Variants in DDX10 observed in about 807,000 individuals in gnomAD.
DDX10 encodes probable ATP-dependent RNA helicase DDX10.
In DDX10, 74 loss-of-function variants were observed where a neutral mutation model predicts 104.3. The observed-to-expected ratio is 0.71, with a 90% CI of 0.59 to 0.86. DDX10 has a LOEUF of 0.86. Ranked by LOEUF, DDX10 falls within the 40% of genes least tolerant of loss-of-function variation. The pLI, the probability that DDX10 is intolerant of heterozygous loss-of-function variation, is 0.00. For missense variants in DDX10, 952 were observed against 1,040.0 expected (o/e 0.92, Z 1.16); for synonymous variants, 351 against 353.4 (o/e 0.99, Z 0.08).
chr11:108,811,786 C>G (rs1237090738), intron 13 of DDX10, among the ~76,000 whole-genome samples: 1 of 149,506 alleles, frequency 6.7e-6, no homozygotes, highest in African/African-American at 2.5e-5. Context: ...TTGCTTAATA[C>G]TCTAGAAATG....
At chr11:108,684,470 GAT>G (rs1478550122) in intron 6 of DDX10, among the ~76,000 whole-genome samples, 16 of 146,758 alleles carry the variant, frequency 1.1e-4, no homozygotes, top group African/African-American at 4.0e-4. Context: ...TTGTTCTTGC[GAT>G]AGTTTACTGA....
intron 16 of DDX10, among the ~76,000 whole-genome samples, chr11:108,869,288 G>C (rs1863050384): frequency 6.6e-6 from 1 of 151,176 alleles, no homozygotes; most frequent in African/African-American, 2.4e-5. Flanking sequence ...TTGCCATTAT[G>C]CTCTGTCATG....
intron 15 of DDX10, among the ~76,000 whole-genome samples, chr11:108,846,819 A>AG: frequency 8.9e-6 from 1 of 112,652 alleles, no homozygotes; most frequent in South Asian, 3.5e-4. Flanking sequence ...TTTAGAGTAC[A>AG]AACCAGACCA....
intron 15 of DDX10, among the ~76,000 whole-genome samples, chr11:108,847,832 A>G (rs1407814530): frequency 6.6e-6 from 1 of 152,240 alleles, no homozygotes; most frequent in Non-Finnish European, 1.5e-5. Flanking sequence ...TCAGTGAGCT[A>G]GCATCATTTT....
At chr11:108,702,499 C>T (rs1455176770) in intron 9 of DDX10, among the ~76,000 whole-genome samples, 2 of 152,178 alleles carry the variant, frequency 1.3e-5, no homozygotes, top group African/African-American at 4.8e-5. Flanking sequence ...GTTTAAGGGA[C>T]AATTAAAGAC....
At position 108,678,411 on chromosome 11, in the gene DDX10, C is replaced by T. The variant is rs770653337; in HGVS notation, c.634C>T (p.His212Tyr). 6.2e-7 allele frequency: 1 copy of T among 1,609,290 alleles called. No homozygotes were observed. Among genetic ancestry groups the T allele is most frequent in the East Asian group, 2.2e-5 (1 of 44,750 alleles). ...LQHMDETVSFHATDLQMLVLD... is the reference protein window; with the variant it reads ...LQHMDETVSFYATDLQMLVLD... ...ACACATGGATGAAACAGTATCTTTT[C>T]ATGCTACCGACCTCCAAATGTTAGG... Residue 212 changes from histidine to tyrosine, a missense_variant, in exon 5 of 18, where the codon CAT (histidine) becomes TAT (tyrosine). Physicochemically the swap from His to Tyr is moderately conservative, Grantham distance 83 (BLOSUM62 2). This residue lies in a region of DDX10 where 412 missense variants were observed against 479.2 expected (regional missense o/e 0.86). Coordinates refer to ENST00000322536, the MANE Select transcript of DDX10 (RefSeq NM_004398.4).
At chr11:108,779,349 A>G (rs2094374666) in intron 13 of DDX10, among the ~76,000 whole-genome samples, 1 of 152,242 alleles carries the variant, frequency 6.6e-6, no homozygotes, top group Non-Finnish European at 1.5e-5. Flanking sequence ...ATGGAATACT[A>G]TGCAGCCATA....
chr11:108,812,648 A>G (rs1862199354), intron 13 of DDX10, among the ~76,000 whole-genome samples: 1 of 152,116 alleles, frequency 6.6e-6, no homozygotes, highest in African/African-American at 2.4e-5. Flanking sequence ...AAAGATGTAA[A>G]ATGGAGATTT....
At chr11:108,854,728 A>AT (rs5794608) in intron 16 of DDX10, among the ~76,000 whole-genome samples, 143,068 of 150,022 alleles carry the variant, frequency 0.95, 68,463 homozygotes, top group Non-Finnish European at 0.99. Flanking sequence ...AGGACACAGT[A>AT]TTTTTTTTTT....
intron 16 of DDX10, among the ~76,000 whole-genome samples, chr11:108,916,580 C>T (rs973410413): frequency 3.3e-5 from 5 of 152,128 alleles, no homozygotes; most frequent in Non-Finnish European, 7.3e-5. Flanking sequence ...TTTCTGGGAA[C>T]GAGCATTAAT....
At chr11:108,785,572 G>T (rs745680993) in intron 13 of DDX10, among the ~76,000 whole-genome samples, 1 of 152,034 alleles carries the variant, frequency 6.6e-6, no homozygotes, top group Non-Finnish European at 1.5e-5. Context: ...AATCCCTCTC[G>T]TCTGGAGCTC....
chr11:108,903,638 A>T (rs941187163), intron 16 of DDX10, among the ~76,000 whole-genome samples: 1 of 152,156 alleles, frequency 6.6e-6, no homozygotes, highest in Non-Finnish European at 1.5e-5. Context: ...GAGGATATGC[A>T]TAGGTTATAT....
chr11:108,868,818 G>A (rs1863041415), intron 16 of DDX10, among the ~76,000 whole-genome samples: 1 of 152,076 alleles, frequency 6.6e-6, no homozygotes, highest in Non-Finnish European at 1.5e-5. Context: ...CTCCCTAGCA[G>A]TTTGTGAATA....
chr11:108,714,879 G>C (rs2094289307), intron 10 of DDX10, among the ~76,000 whole-genome samples: 1 of 151,930 alleles, frequency 6.6e-6, no homozygotes, highest in Admixed American at 6.6e-5. Context: ...AATTGTTGAG[G>C]CTGAGTGAAA....
At chr11:108,901,995 A>T (rs1863522444) in intron 16 of DDX10, among the ~76,000 whole-genome samples, 1 of 152,236 alleles carries the variant, frequency 6.6e-6, no homozygotes, top group African/African-American at 2.4e-5. Context: ...TGACAGAATA[A>T]TGAAAGGACT....
intron 13 of DDX10, chr11:108,822,741 AT>A (rs2134578998): frequency 6.5e-6 from 1 of 153,388 alleles, no homozygotes; most frequent in East Asian, 1.9e-4. Context: ...CTAAAAATGA[AT>A]TCCTTCAAGG....
At chr11:108,865,105 G>A (rs1862992533) in intron 16 of DDX10, among the ~76,000 whole-genome samples, 1 of 152,162 alleles carries the variant, frequency 6.6e-6, no homozygotes, top group African/African-American at 2.4e-5. Context: ...TGTAAATCCT[G>A]TTGTGTGTTC....
At chr11:108,723,898 AG>A (rs1200862789) in intron 13 of DDX10, among the ~76,000 whole-genome samples, 4 of 152,176 alleles carry the variant, frequency 2.6e-5, no homozygotes, top group African/African-American at 9.6e-5. Context: ...ATGGGAACCA[AG>A]CCAGTGTCTT....
intron 13 of DDX10, among the ~76,000 whole-genome samples, chr11:108,829,016 A>G (rs1449821887): frequency 6.6e-6 from 1 of 152,214 alleles, no homozygotes; most frequent in African/African-American, 2.4e-5. Flanking sequence ...GGTTGGTTCC[A>G]TATTTTTGCA....
Sources: allele counts gnomAD v4.1 joint callset (sites outside exome capture counted in the v4.1 genomes callset), GRCh38; gene constraint gnomAD v4.1.1; regional missense constraint gnomAD v4.1.1; transcripts MANE v1.5; gene names NCBI Gene and HGNC (gene_info 2026-07-23, HGNC 2026-07-21).